CACNG8: variants seen among roughly 807,000 people sequenced by gnomAD.
The protein encoded by CACNG8 is voltage-dependent calcium channel gamma-8 subunit.
CACNG8 carries 5 observed loss-of-function variants against 26.9 expected under a neutral mutation model. That is an observed-to-expected ratio of 0.19 (90% CI 0.10 to 0.39). The LOEUF is 0.39. Ranked by LOEUF, CACNG8 falls within the 10% of genes least tolerant of loss-of-function variation. The pLI is 1.00. For synonymous variants in CACNG8, 321 were observed against 296.7 expected (o/e 1.08, Z -0.84); for missense variants, 473 against 609.4 (o/e 0.78, Z 2.36).
rs1458345626 is a variant in CACNG8 at position 53,982,615 on chromosome 19, A to C, written c.1044A>C (p.Gly348=). ...CCGGGGGCGCCGGGGGCGGCGGCGG[A>C]GGCGGCGGCGGGGCGGGTGCCGAGC... Residue 348 remains glycine (G), a synonymous_variant, in exon 4 of 4, where the codon GGA becomes GGC. Transcript: ENST00000270458. This position sits in a 1 kb window ranked among gnomAD's most constrained non-coding sequence, Gnocchi z 8.4. 6 of 975,100 alleles carry C rather than the reference A, an allele frequency of 6.2e-6. No homozygotes were observed. Among genetic ancestry groups the C allele is most frequent in the African/African-American group, 1.8e-5 (1 of 55,710 alleles). The allele number at this position is 975,100 out of a possible 1,614,324, so 60.4% of individuals were successfully genotyped here.
At chr19:53,978,478 C>T (rs2069343746) in intron 2 of CACNG8, among the ~76,000 whole-genome samples, 1 of 152,070 alleles carries the variant, frequency 6.6e-6, no homozygotes, top group Admixed American at 6.6e-5. Context: ...TAATTGGCCG[C>T]TTTGCTCTCT....
rs1187422561 is a variant in CACNG8 at position 53,987,793 on chromosome 19, C to G, written c.*4944C>G. The stretch of plus-strand genomic sequence containing the variant: ...AAATCCGAGTTGTGGTATCAAATAG[C>G]CAGTTGGATATGTGAGACTGGAGTT... On this transcript the variant is annotated 3_prime_UTR_variant, in exon 4 of 4. Coordinates refer to ENST00000270458, the MANE Select transcript of CACNG8 (RefSeq NM_031895.6). 1 of 152,044 alleles carries G rather than the reference C, an allele frequency of 6.6e-6. No homozygotes were observed. The highest frequency in any genetic ancestry group is 1.5e-5 in the Non-Finnish European group (1 of 68,046). The allele number at this position is 152,044 out of a possible 1,614,324, so 9.4% of individuals were successfully genotyped here.
chr19:53,980,076 G>C, intron 3 of CACNG8, 69 bp downstream of exon 3: 2 of 1,440,636 alleles, frequency 1.4e-6, no homozygotes, highest in Non-Finnish European at 1.8e-6. Flanking sequence ...GTGTGTGTGT[G>C]TGTGTGTGTG....
At chr19:53,972,606 C>T (rs1233546895) in intron 1 of CACNG8, among the ~76,000 whole-genome samples, 4 of 152,008 alleles carry the variant, frequency 2.6e-5, no homozygotes, top group Non-Finnish European at 5.9e-5. Context: ...AGGTGATCCA[C>T]CCGCTTTGGC....
chr19:53,979,116 T>G (rs1171167522), intron 2 of CACNG8, among the ~76,000 whole-genome samples: 29 of 83,700 alleles, frequency 3.5e-4, no homozygotes, highest in South Asian at 9.0e-4. Flanking sequence ...AAGTTGTGGG[T>G]GGGGGTGGCT....
In CACNG8 at chr19:53,963,089, C is replaced by T. The variant is rs954015726; in HGVS notation, c.-54C>T. On this transcript the variant is annotated 5_prime_UTR_variant, in exon 1 of 4. Coordinates refer to ENST00000270458, the MANE Select transcript of CACNG8 (RefSeq NM_031895.6). ...CCCCCCCCCAGCCGCCGGCACGGCC[C>T]CGCCCCCGCTGCCCCGGTGGTGGCC... 1.6e-5 allele frequency: 21 copies of T among 1,308,460 alleles called. No individual in the cohort carries two copies. Among genetic ancestry groups the T allele is most frequent in the Non-Finnish European group, 2.0e-5 (20 of 1,004,266 alleles). The allele number at this position is 1,308,460 out of a possible 1,614,324, so 81.1% of individuals were successfully genotyped here. A position where few individuals can be genotyped will look rare whatever the true frequency, so the allele number is the denominator to read the frequency against.
rs2069379688 is a variant in CACNG8 at position 53,982,668 on chromosome 19, T to C, written c.1097T>C (p.Leu366Pro). Residue 366 changes from leucine (L) to proline (P), a missense_variant, in exon 4 of 4, where the codon CTC (leucine) becomes CCC (proline). Physicochemically the swap from Leu to Pro is moderately conservative, Grantham distance 98. Around this residue, in one of 6 missense-constraint regions of CACNG8, gnomAD observed 212 missense variants for 214.4 expected, o/e 0.99. Coordinates refer to ENST00000270458, the MANE Select transcript of CACNG8 (RefSeq NM_031895.6). The surrounding 1 kb of genome is among the most constrained non-coding windows in gnomAD (Gnocchi z 8.4). ...GACCGCGGGGGGGCGTCCGGCTTCCTCACGCTGCACAACGCCTTCCCCAAG... is the reference window on the plus strand; with the variant it reads ...GACCGCGGGGGGGCGTCCGGCTTCCCCACGCTGCACAACGCCTTCCCCAAG... 1 of 1,090,212 alleles carries C rather than the reference T, an allele frequency of 9.2e-7. No homozygotes were observed. The highest frequency in any genetic ancestry group is 1.1e-6 in the Non-Finnish European group (1 of 900,034). The allele number at this position is 1,090,212 out of a possible 1,614,324, so 67.5% of individuals were successfully genotyped here.
At chr19:53,973,863 A>C (rs1325018390) in intron 1 of CACNG8, among the ~76,000 whole-genome samples, 1 of 152,196 alleles carries the variant, frequency 6.6e-6, no homozygotes, top group Non-Finnish European at 1.5e-5. Context: ...TGAGCTTGTC[A>C]TCTTACCTAC....
intron 2 of CACNG8, among the ~76,000 whole-genome samples, chr19:53,978,730 G>A (rs1482573013): frequency 6.8e-6 from 1 of 147,194 alleles, no homozygotes; most frequent in Non-Finnish European, 1.5e-5. Flanking sequence ...GGTTTTAGGG[G>A]TGGGTGGAAA....
intron 1 of CACNG8, among the ~76,000 whole-genome samples, chr19:53,968,031 T>C (rs1600025480): frequency 6.6e-6 from 1 of 151,936 alleles, no homozygotes; most frequent in East Asian, 1.9e-4. Context: ...GCTGGAGATA[T>C]CAGTTTGAGG....
At position 53,963,397 on chromosome 19, in the gene CACNG8, G is replaced by A. The variant is rs1410707729; in HGVS notation, c.255G>A (p.Ser85=). The A allele has an allele frequency of 1.9e-6, 3 of 1,561,196 alleles. No homozygotes were observed. Among genetic ancestry groups the A allele is most frequent in the Admixed American group, 1.8e-5 (1 of 54,676 alleles). ...AGGACCCCGGCGGCCTCACGCACTC[G>A]GGCCTCTGGAGGATCTGCTGCCTGG... Residue 85 remains serine (S), a synonymous_variant, in exon 1 of 4, where the codon TCG becomes TCA. Transcript: ENST00000270458.
intron 1 of CACNG8, among the ~76,000 whole-genome samples, chr19:53,971,554 C>A (rs1204732118): frequency 6.6e-6 from 1 of 152,210 alleles, no homozygotes. Flanking sequence ...TGGGACAGCC[C>A]AGCTTGTGCC....
rs2069397109 is a variant in CACNG8, at chr19:53,984,775, A to G, written c.*1926A>G. On this transcript the variant is annotated 3_prime_UTR_variant, in exon 4 of 4. Coordinates refer to ENST00000270458, the MANE Select transcript of CACNG8 (RefSeq NM_031895.6). Reference sequence around the variant, plus strand: ...AGACCAGCCTGGATAACATGGCGAAACCCTGTCTCTACAAAACATTAAAAA... The same window carrying G: ...AGACCAGCCTGGATAACATGGCGAAGCCCTGTCTCTACAAAACATTAAAAA... 1.3e-5 allele frequency: 2 copies of G among 151,702 alleles called. No homozygotes were observed. Among genetic ancestry groups the G allele is most frequent in the Admixed American group, 1.3e-4 (2 of 15,200 alleles). The allele number at this position is 151,702 out of a possible 1,614,324, so 9.4% of individuals were successfully genotyped here.
chr19:53,968,768 C>CAAAA (rs34461203), intron 1 of CACNG8, among the ~76,000 whole-genome samples: 1,906 of 50,236 alleles, frequency 0.038, 90 homozygotes, highest in Middle Eastern at 0.06. Context: ...GACTCTATCT[C>CAAAA]AAAAAAAAAA....
Position 53,963,086 on chromosome 19 carries a change from G to A in CACNG8, c.-57G>A. ...GAACCCCCCCCCAGCCGCCGGCACG[G>A]CCCCGCCCCCGCTGCCCCGGTGGTG... On this transcript the variant is annotated 5_prime_UTR_variant, in exon 1 of 4. Transcript: ENST00000270458. 1.6e-6 allele frequency: 2 copies of A among 1,265,154 alleles called. No homozygotes were observed. The highest frequency in any genetic ancestry group is 2.1e-6 in the Non-Finnish European group (2 of 970,582). 78.4% of individuals were successfully genotyped at this position (1,265,154 alleles called of 1,614,324 possible). A position where few individuals can be genotyped will look rare whatever the true frequency, so the allele number is the denominator to read the frequency against.
At chr19:53,970,938 A>AC (rs545151880) in intron 1 of CACNG8, among the ~76,000 whole-genome samples, 16 of 150,912 alleles carry the variant, frequency 1.1e-4, no homozygotes, top group African/African-American at 3.9e-4. Flanking sequence ...TCTCAAAAAA[A>AC]AAAAAAAAGA....
Position 53,982,171 on chromosome 19 carries a change from CTCGTACGGCTGG to C in CACNG8, c.603_614del (p.Tyr202_Ser205del). ...GGGACGAGGAGAAGAAAAACCACTA[CTCGTACGGCTGG>C]TCCTTCTACTTCGGCGGGCTGTCGT... On this transcript the variant is annotated inframe_deletion, in exon 4 of 4. Transcript: ENST00000270458. This position sits in a 1 kb window ranked among gnomAD's most constrained non-coding sequence, Gnocchi z 8.4. 1 of 1,613,454 alleles carries C rather than the reference CTCGTACGGCTGG, an allele frequency of 6.2e-7. No homozygotes were observed. Among genetic ancestry groups the C allele is most frequent in the Non-Finnish European group, 8.5e-7 (1 of 1,179,718 alleles).
intron 1 of CACNG8, among the ~76,000 whole-genome samples, chr19:53,967,383 G>A (rs2069277330): frequency 6.6e-6 from 1 of 152,134 alleles, no homozygotes; most frequent in South Asian, 2.1e-4. Context: ...GATAACATCT[G>A]GACAGAGGTC....
In CACNG8 at chr19:53,982,650, G is replaced by T. The variant is rs1003281410; in HGVS notation, c.1079G>T (p.Gly360Val). 3 of 1,059,106 alleles carry T rather than the reference G, an allele frequency of 2.8e-6. No homozygotes were observed. Among genetic ancestry groups the T allele is most frequent in the East Asian group, 1.3e-4 (2 of 14,838 alleles). The allele number at this position is 1,059,106 out of a possible 1,614,324, so 65.6% of individuals were successfully genotyped here. Residue 360 changes from glycine to valine, a missense_variant, in exon 4 of 4, where the codon GGG (glycine) becomes GTG (valine). Coordinates refer to ENST00000270458, the MANE Select transcript of CACNG8 (RefSeq NM_031895.6). This position sits in a 1 kb window ranked among gnomAD's most constrained non-coding sequence, Gnocchi z 8.4. ...GGGGCGGGTGCCGAGCGGGACCGCG[G>T]GGGGGCGTCCGGCTTCCTCACGCTG...
Sources: allele counts gnomAD v4.1 joint callset (sites outside exome capture counted in the v4.1 genomes callset), GRCh38; gene constraint gnomAD v4.1.1; regional missense constraint gnomAD v4.1.1; non-coding constraint Gnocchi (gnomAD v3.1); transcripts MANE v1.5; gene names NCBI Gene and HGNC (gene_info 2026-07-23, HGNC 2026-07-21).